Variants in FHOD3 observed in about 807,000 individuals in gnomAD.
FHOD3 encodes FH1/FH2 domain-containing protein 3.
Under a neutral mutation model 173.0 loss-of-function variants are expected in FHOD3, and 90 were observed. The observed-to-expected ratio is 0.52, with a 90% CI of 0.44 to 0.62. FHOD3 has a LOEUF of 0.62. Ranked by LOEUF, FHOD3 falls within the 20% of genes least tolerant of loss-of-function variation. The pLI, the probability that FHOD3 is intolerant of heterozygous loss-of-function variation, is 0.00. For synonymous variants in FHOD3, 828 were observed against 823.0 expected (o/e 1.01, Z -0.10); for missense variants, 1,945 against 2,034.7 (o/e 0.96, Z 0.85).
At chr18:36,524,154 T>C (rs1477478452) in intron 5 of FHOD3, among the ~76,000 whole-genome samples, 2 of 151,854 alleles carry the variant, frequency 1.3e-5, no homozygotes, top group Non-Finnish European at 2.9e-5. Flanking sequence ...AGGTAGTGCA[T>C]GCCTATAATC....
At chr18:36,346,412 A>G (rs1371932918) in intron 1 of FHOD3, among the ~76,000 whole-genome samples, 4 of 152,148 alleles carry the variant, frequency 2.6e-5, no homozygotes, top group African/African-American at 7.2e-5. Context: ...TCCTCATTTT[A>G]TCCCATCTCC....
intron 9 of FHOD3, among the ~76,000 whole-genome samples, chr18:36,625,219 T>A (rs563253578): frequency 6.6e-6 from 1 of 152,136 alleles, no homozygotes; most frequent in Non-Finnish European, 1.5e-5. Flanking sequence ...ACAGAGTTAG[T>A]TAGGTCCTAT....
At chr18:36,682,175 C>T (rs888296894) in intron 15 of FHOD3, among the ~76,000 whole-genome samples, 1 of 152,124 alleles carries the variant, frequency 6.6e-6, no homozygotes, top group Non-Finnish European at 1.5e-5. Flanking sequence ...CAGTGTGCCT[C>T]GGCTTCTCCT....
chr18:36,643,646 GA>G (rs1274190842), intron 10 of FHOD3, among the ~76,000 whole-genome samples: 2 of 152,148 alleles, frequency 1.3e-5, no homozygotes, highest in Non-Finnish European at 2.9e-5. Context: ...TTACCAAGTA[GA>G]TAGAAAATGG....
At chr18:36,586,962 CA>C (rs1413996959) in intron 6 of FHOD3, among the ~76,000 whole-genome samples, 1 of 152,006 alleles carries the variant, frequency 6.6e-6, no homozygotes, top group African/African-American at 2.4e-5. Context: ...AGCCAATACA[CA>C]AAACCAAAAG....
At chr18:36,712,131 A>G (rs2040202450) in intron 18 of FHOD3, among the ~76,000 whole-genome samples, 1 of 152,202 alleles carries the variant, frequency 6.6e-6, no homozygotes, top group Middle Eastern at 3.2e-3. Flanking sequence ...TGTATGCTAT[A>G]CCTAAAAAGG....
At chr18:36,384,391 A>C (rs1301777461) in intron 3 of FHOD3, among the ~76,000 whole-genome samples, 1 of 150,020 alleles carries the variant, frequency 6.7e-6, no homozygotes, top group Non-Finnish European at 1.5e-5. Flanking sequence ...AAAAAACAAA[A>C]AAACAAACAC....
At chr18:36,567,263 G>A (rs2058297700) in intron 5 of FHOD3, among the ~76,000 whole-genome samples, 1 of 152,188 alleles carries the variant, frequency 6.6e-6, no homozygotes, top group Non-Finnish European at 1.5e-5. Context: ...TAAAAAGGAA[G>A]GGAAGAAGAA....
intron 2 of FHOD3, among the ~76,000 whole-genome samples, chr18:36,362,285 C>A (rs1270302338): frequency 6.6e-6 from 1 of 151,970 alleles, no homozygotes; most frequent in Non-Finnish European, 1.5e-5. Context: ...GGGCCTCACC[C>A]AGGGTTGGGG....
At chr18:36,331,135 G>T (rs1263125323) in intron 1 of FHOD3, among the ~76,000 whole-genome samples, 1 of 152,136 alleles carries the variant, frequency 6.6e-6, no homozygotes, top group African/African-American at 2.4e-5. Context: ...TTGTAAATGG[G>T]TGAAACTCTA....
chr18:36,569,230 A>C (rs557628593), intron 5 of FHOD3, among the ~76,000 whole-genome samples: 1 of 152,220 alleles, frequency 6.6e-6, no homozygotes, highest in Non-Finnish European at 1.5e-5. Context: ...GCTGCTTACA[A>C]GAAACCCACT....
intron 3 of FHOD3, among the ~76,000 whole-genome samples, chr18:36,374,564 T>C (rs904339852): frequency 6.6e-6 from 1 of 152,240 alleles, no homozygotes; most frequent in Non-Finnish European, 1.5e-5. Context: ...TTTCTGTCAA[T>C]GTAAATGTGT....
chr18:36,554,217 G>A (rs1397881163), intron 5 of FHOD3, among the ~76,000 whole-genome samples: 1 of 152,094 alleles, frequency 6.6e-6, no homozygotes, highest in African/African-American at 2.4e-5. Context: ...ATTCACAATA[G>A]CAAAGACTTG....
At chr18:36,399,341 C>T (rs2048696729) in intron 3 of FHOD3, among the ~76,000 whole-genome samples, 1 of 152,236 alleles carries the variant, frequency 6.6e-6, no homozygotes. Context: ...CTTGCCCTTC[C>T]CAGCTTGCAC....
intron 3 of FHOD3, among the ~76,000 whole-genome samples, chr18:36,400,590 G>A (rs2048758552): frequency 6.6e-6 from 1 of 152,214 alleles, no homozygotes; most frequent in South Asian, 2.1e-4. Flanking sequence ...AGGAGACTGT[G>A]GTTGGTTTGA....
chr18:36,672,921 CCTTTT>C (rs1204132042), intron 14 of FHOD3, among the ~76,000 whole-genome samples: 3 of 151,804 alleles, frequency 2.0e-5, no homozygotes, highest in African/African-American at 7.3e-5. Flanking sequence ...TTTTTTTAAT[CCTTTT>C]CTTCTGGGCT....
intron 7 of FHOD3, among the ~76,000 whole-genome samples, chr18:36,601,057 A>C (rs1328198096): frequency 2.0e-5 from 3 of 152,216 alleles, no homozygotes; most frequent in Non-Finnish European, 4.4e-5. Flanking sequence ...CTGTCTTGAG[A>C]GCTGAGATGG....
At position 36,445,792 on chromosome 18, in the gene FHOD3, T is replaced by G. The variant is rs377763363; in HGVS notation, c.338-56140T>G. Among the ~76,000 whole-genome samples the G allele has an allele frequency of 2.0e-5, 3 of 152,314 alleles. No homozygotes were observed. The East Asian group carries it at 5.8e-4, about 29-fold the overall frequency. On this transcript the variant is annotated intron_variant, in intron 3 of 28. Transcript: ENST00000590592. The stretch of plus-strand genomic sequence containing the variant: ...CCCCATTGGTGGGTTCCAGAAATCA[T>G]GGGCATGTCCAGGTAGTTGCAGCGA...
intron 19 of FHOD3, 89 bp downstream of exon 19, chr18:36,718,804 T>C (rs2040603852): frequency 2.6e-6 from 4 of 1,510,668 alleles, no homozygotes; most frequent in Non-Finnish European, 3.5e-6. Context: ...TTGCATTGCT[T>C]TTGCTATTTG....
Sources: gnomAD v4.1 joint callset for allele counts (sites outside exome capture counted in the v4.1 genomes callset) on GRCh38, gnomAD v4.1.1 for gene constraint, MANE v1.5 for transcripts, NCBI Gene and HGNC (gene_info 2026-07-23, HGNC 2026-07-21) for gene names.